Variants in SMTN observed in about 807,000 individuals in gnomAD.
The protein encoded by SMTN is smoothelin.
A neutral mutation model predicts 102.0 loss-of-function variants in SMTN; 58 were observed. The ratio of observed to expected loss-of-function variants is 0.57; its 90% CI spans 0.46 to 0.71. SMTN has a LOEUF of 0.71. SMTN is among the 30% of genes least tolerant of loss of function. SMTN has a pLI of 0.00. For missense variants in SMTN, 1,185 were observed against 1,241.7 expected (o/e 0.95, Z 0.69); for synonymous variants, 478 against 497.9 (o/e 0.96, Z 0.53).
intron 1 of SMTN, chr22:31,067,295 A>G (rs2041874481): frequency 2.0e-5 from 3 of 149,940 alleles, no homozygotes; most frequent in African/African-American, 7.4e-5. Flanking sequence ...GCTGGAGTGC[A>G]GTGGCATGAT....
upstream of SMTN, among the ~76,000 whole-genome samples, chr22:31,078,882 A>AAAAAT (rs1555959213): frequency 3.3e-5 from 5 of 151,986 alleles, no homozygotes; most frequent in Non-Finnish European, 5.9e-5. Flanking sequence ...TGTCTCCAAA[A>AAAAAT]AAAATAAAAT....
intron 19 of SMTN, among the ~76,000 whole-genome samples, chr22:31,100,435 T>G (rs912640628): frequency 1.3e-5 from 2 of 151,910 alleles, no homozygotes; most frequent in African/African-American, 2.4e-5. Flanking sequence ...CCCCTTCTCT[T>G]TCTGGTTTCC....
At chr22:31,080,530 G>C (rs1159947926), upstream of SMTN, 1 of 152,238 alleles carries the variant, frequency 6.6e-6, no homozygotes, top group Non-Finnish European at 1.5e-5. Flanking sequence ...CTCTGGCACT[G>C]AAGATGGAAT....
chr22:31,085,769 C>G (rs544605755), intron 2 of SMTN, among the ~76,000 whole-genome samples: 1 of 152,338 alleles, frequency 6.6e-6, no homozygotes, highest in East Asian at 1.9e-4. Context: ...AGGGAAGGGT[C>G]GTGCCAGAGG....
At chr22:31,083,364 G>A (rs2042440698) in intron 2 of SMTN, 55 bp downstream of exon 2, 1 of 1,487,390 alleles carries the variant, frequency 6.7e-7, no homozygotes, top group Non-Finnish European at 9.0e-7. Context: ...AGAGAGGCAG[G>A]GTCAATCCAG....
Position 31,099,045 on chromosome 22 carries a change from T to C in SMTN, c.2334-17T>C. ...CCCTTATAGTCGTGTGACCTGGTCC[T>C]GACACCGCCCCTACAGCAGCCCTGG... On this transcript the variant is annotated splice_polypyrimidine_tract_variant and intron_variant, in intron 17 of 20. Coordinates refer to ENST00000333137, the MANE Select transcript of SMTN (RefSeq NM_134269.3). 1 of 1,607,486 alleles carries C rather than the reference T, an allele frequency of 6.2e-7. No homozygotes were observed. The highest frequency in any genetic ancestry group is 8.5e-7 in the Non-Finnish European group (1 of 1,178,280).
Position 31,098,705 on chromosome 22 carries a change from G to A in SMTN, c.2198G>A (p.Gly733Asp). ...DREDQASPRA[G>D]SLAALEKRQA... The stretch of plus-strand genomic sequence containing the variant: ...GAGGACCAGGCCAGCCCACGGGCCG[G>A]CAGCCTGGCGGCGCTCGAGAAACGG... Residue 733 changes from glycine (G) to aspartate (D), a missense_variant, in exon 17 of 21, where the codon GGC becomes GAC. Gly to Asp is a moderately conservative substitution (Grantham distance 94). This residue lies in a region of SMTN where 1,096 missense variants were observed against 1,112.7 expected (regional missense o/e 0.98). Coordinates refer to ENST00000333137, the MANE Select transcript of SMTN (RefSeq NM_134269.3). 1 of 1,613,586 alleles carries A rather than the reference G, an allele frequency of 6.2e-7. No homozygotes were observed. The highest frequency in any genetic ancestry group is 1.1e-5 in the South Asian group (1 of 91,072).
chr22:31,072,705 G>T (rs1270276217), intron 1 of SMTN, among the ~76,000 whole-genome samples: 1 of 151,940 alleles, frequency 6.6e-6, no homozygotes, highest in Non-Finnish European at 1.5e-5. Flanking sequence ...CTGGTGATCT[G>T]CCCGCCTCAG....
Position 31,091,840 on chromosome 22 carries a change from G to T in SMTN, c.1625G>T (p.Ser542Ile). ...CCCCCCAGTAGCCGAGGAGGCTGCA[G>T]CATCAAGGTGAGCCCCTCCTCACCC... is the stretch of plus-strand genomic sequence containing the variant. The part of the protein sequence containing the change: ...HAPPSSRGGC[S>I]IKMEAEPAEP... The change falls in exon 11 of 21, where the codon AGC becomes ATC. Residue 542 changes from serine (S) to isoleucine (I), a missense_variant. Physicochemically the swap from Ser to Ile is moderately radical, Grantham distance 142 (BLOSUM62 -2). This residue lies in a region of SMTN where 1,096 missense variants were observed against 1,112.7 expected (regional missense o/e 0.98). Transcript: ENST00000333137. The T allele has an allele frequency of 6.3e-7, 1 of 1,584,988 alleles. No individual in the cohort carries two copies. Among genetic ancestry groups the T allele is most frequent in the East Asian group, 2.3e-5 (1 of 43,366 alleles).
At chr22:31,076,008 G>A (rs895710605) in intron 1 of SMTN, among the ~76,000 whole-genome samples, 34 of 146,718 alleles carry the variant, frequency 2.3e-4, no homozygotes, top group Non-Finnish European at 4.0e-4. Flanking sequence ...TATTAGGCCC[G>A]GCGTCCTCAT....
intron 1 of SMTN, chr22:31,082,250 A>G (rs564471939): frequency 4.5e-6 from 1 of 220,662 alleles, no homozygotes; most frequent in Non-Finnish European, 9.6e-6. Flanking sequence ...TTCCAGACAG[A>G]CATTAGTTGG....
In SMTN at chr22:31,100,994, G is replaced by A. The variant is rs2044042089; in HGVS notation, c.2713G>A (p.Val905Ile). Residue 905 changes from valine to isoleucine, a missense_variant, in exon 20 of 21, where the codon GTC (valine) becomes ATC (isoleucine). Around this residue, in one of 2 missense-constraint regions of SMTN, gnomAD observed 89 missense variants for 128.9 expected, o/e 0.69. Coordinates refer to ENST00000333137, the MANE Select transcript of SMTN (RefSeq NM_134269.3). ...TYIQEFYRCL[V>I]QKGLVKTKKS is the part of the protein sequence containing the mutation. ...CATCCAGGAATTCTACCGCTGTCTG[G>A]TCCAGAAGGGGCTGGTAAAAACCAA... The A allele has an allele frequency of 6.2e-7, 1 of 1,613,314 alleles. No homozygotes were observed. The highest frequency in any genetic ancestry group is 1.7e-5 in the Admixed American group (1 of 59,978).
chr22:31,085,135 C>G (rs2042587657), intron 2 of SMTN: 3 of 1,535,334 alleles, frequency 2.0e-6, no homozygotes, highest in Non-Finnish European at 2.6e-6. Context: ...CCCGCCGGGA[C>G]GCCCTCTGCC....
intron 16 of SMTN, among the ~76,000 whole-genome samples, chr22:31,097,860 C>T (rs1260539118): frequency 6.6e-6 from 1 of 152,108 alleles, no homozygotes; most frequent in Non-Finnish European, 1.5e-5. Context: ...TATTCTCAAC[C>T]ACACCACAGG....
Position 31,104,371 on chromosome 22 carries a change from A to G in SMTN, c.*76A>G, listed in dbSNP as rs2044331608. On this transcript the variant is annotated 3_prime_UTR_variant, in exon 21 of 21. Coordinates refer to ENST00000333137, the MANE Select transcript of SMTN (RefSeq NM_134269.3). ...GGTGGACGACATGATGATCATGGGC[A>G]AGAAGCCTGACCCCAAGTGTGTCTT... is the stretch of plus-strand genomic sequence containing the variant. The G allele has an allele frequency of 6.2e-7, 1 of 1,614,050 alleles. No individual in the cohort carries two copies. Among genetic ancestry groups the G allele is most frequent in the Non-Finnish European group, 8.5e-7 (1 of 1,180,032 alleles).
chr22:31,090,792 CT>C lies in SMTN; in HGVS notation c.866-15del. On this transcript the variant is annotated splice_polypyrimidine_tract_variant and intron_variant, in intron 8 of 20. Transcript: ENST00000333137. ...TCTTTCCCCACATGGCCATCACCCCCTCCCCAACCTGCCAGACGTGGCTGGA... is the reference window on the plus strand; with the variant it reads ...TCTTTCCCCACATGGCCATCACCCCCCCCCAACCTGCCAGACGTGGCTGGA... The C allele has an allele frequency of 6.2e-7, 1 of 1,607,572 alleles. No individual in the cohort carries two copies. Among genetic ancestry groups the C allele is most frequent in the Non-Finnish European group, 8.5e-7 (1 of 1,174,196 alleles).
chr22:31,080,157 A>T (rs1678137463), upstream of SMTN, among the ~76,000 whole-genome samples: 1 of 152,114 alleles, frequency 6.6e-6, no homozygotes, highest in Non-Finnish European at 1.5e-5. Context: ...CAGTGTGGAG[A>T]CTGGGCCTTT....
intron 3 of SMTN, 183 bp downstream of exon 3, chr22:31,088,296 G>A: frequency 1.2e-6 from 1 of 854,394 alleles, no homozygotes; most frequent in Non-Finnish European, 1.8e-6. Flanking sequence ...ACTGATTGTG[G>A]CGTCGCGGCC....
At chr22:31,083,894 G>C (rs571289920) in intron 2 of SMTN, among the ~76,000 whole-genome samples, 1 of 152,342 alleles carries the variant, frequency 6.6e-6, no homozygotes, top group Admixed American at 6.5e-5. Flanking sequence ...AAGGCTGGAC[G>C]AGGCCATAAG....
Sources: gnomAD v4.1 joint callset for allele counts (sites outside exome capture counted in the v4.1 genomes callset) on GRCh38, gnomAD v4.1.1 for gene constraint, gnomAD v4.1.1 regional missense constraint, MANE v1.5 for transcripts, NCBI Gene and HGNC (gene_info 2026-07-23, HGNC 2026-07-21) for gene names.